The following MAP2K5 variants were observed in gnomAD, a reference collection of about 807,000 sequenced individuals.
MAP2K5 encodes dual specificity mitogen-activated protein kinase kinase 5.
A neutral mutation model predicts 83.1 loss-of-function variants in MAP2K5; 49 were observed. That is an observed-to-expected ratio of 0.59 (90% CI 0.47 to 0.75). The LOEUF is 0.75. Ranked by LOEUF, MAP2K5 falls within the 30% of genes least tolerant of loss-of-function variation. The pLI is 0.00. For synonymous variants in MAP2K5, 202 were observed against 191.8 expected (o/e 1.05, Z -0.44); for missense variants, 457 against 557.5 (o/e 0.82, Z 1.82).
chr15:67,617,271 C>T (rs1046863585), intron 8 of MAP2K5, among the ~76,000 whole-genome samples: 1 of 152,052 alleles, frequency 6.6e-6, no homozygotes, highest in African/African-American at 2.4e-5. Flanking sequence ...TATATCCTAC[C>T]TCACAATCAC....
In MAP2K5 at chr15:67,748,303, AT is replaced by A. The variant is rs1484218548; in HGVS notation, c.1101+47del. 13 of 1,492,834 alleles carry A rather than the reference AT, an allele frequency of 8.7e-6. No individual in the cohort carries two copies. The highest frequency in any genetic ancestry group is 9.3e-6 in the Non-Finnish European group (10 of 1,072,406). 92.5% of individuals were successfully genotyped at this position (1,492,834 alleles called of 1,614,324 possible). On this transcript the variant is annotated intron_variant, in intron 18 of 21. Transcript: ENST00000178640. This position sits in a 1 kb window ranked among gnomAD's most constrained non-coding sequence, Gnocchi z 4.0. ...AAAAAATTCACTTTTCTTTTTCCTGATGGCTGCTTCCTTTGCATGCTTGAAT... is the reference window on the plus strand; with the variant it reads ...AAAAAATTCACTTTTCTTTTTCCTGAGGCTGCTTCCTTTGCATGCTTGAAT...
chr15:67,766,609 A>G (rs567824636), intron 19 of MAP2K5, among the ~76,000 whole-genome samples: 2 of 152,280 alleles, frequency 1.3e-5, no homozygotes, highest in Admixed American at 1.3e-4. Flanking sequence ...GCGCAAATTT[A>G]CTGTATGCCT....
rs2084745888 is a variant in MAP2K5, at chr15:67,561,969, C to A, written c.185-1314C>A. Among the ~76,000 whole-genome samples, 1 of 152,204 alleles carries A rather than the reference C, an allele frequency of 6.6e-6. No homozygotes were observed. Among genetic ancestry groups the A allele is most frequent in the African/African-American group, 2.4e-5 (1 of 41,444 alleles). ...GCATCCCCTGACCATGTTGGGCAAG[C>A]TTATTCTCTTCATGATGAGAGATTT... On this transcript the variant is annotated intron_variant, in intron 2 of 21. Transcript: ENST00000178640. This position sits in a 1 kb window ranked among gnomAD's most constrained non-coding sequence, Gnocchi z 4.2.
At chr15:67,674,980 A>G (rs551787322) in intron 13 of MAP2K5, among the ~76,000 whole-genome samples, 2 of 152,334 alleles carry the variant, frequency 1.3e-5, no homozygotes, top group South Asian at 2.1e-4. Flanking sequence ...AAATTGGATC[A>G]CTAATACATT....
At chr15:67,721,740 T>C (rs779733231) in intron 16 of MAP2K5, among the ~76,000 whole-genome samples, 6 of 152,146 alleles carry the variant, frequency 3.9e-5, no homozygotes, top group Non-Finnish European at 8.8e-5. Context: ...TTTGTGAAAA[T>C]AAGCATAAAT....
At chr15:67,655,518 T>C (rs1322184495) in intron 11 of MAP2K5, among the ~76,000 whole-genome samples, 3 of 25,734 alleles carry the variant, frequency 1.2e-4, no homozygotes, top group Non-Finnish European at 2.5e-4. Flanking sequence ...ATAATCTTTT[T>C]CTTTCATGTT....
chr15:67,636,926 G>C lies in MAP2K5; in HGVS notation c.585+5999G>C, dbSNP rs1877473727. ...AATCTGGGTGGGCACCATCTAATCA[G>C]CTGCCAGTGTGGCTAGGATAAAAGC... On this transcript the variant is annotated intron_variant, in intron 9 of 21. Coordinates refer to ENST00000178640, the MANE Select transcript of MAP2K5 (RefSeq NM_145160.3). This position sits in a 1 kb window ranked among gnomAD's most constrained non-coding sequence, Gnocchi z 4.7. Among the ~76,000 whole-genome samples the C allele has an allele frequency of 6.6e-6, 1 of 152,204 alleles. No homozygotes were observed.
rs2088326049 is a variant in MAP2K5, at chr15:67,698,648, A to G, written c.973-4689A>G. ...TTAACTGAAGTTTTAAAATGAAAAA[A>G]TCTTACTCAAATACTTGGGATCAGA... On this transcript the variant is annotated intron_variant, in intron 15 of 21. Coordinates refer to ENST00000178640, the MANE Select transcript of MAP2K5 (RefSeq NM_145160.3). The surrounding 1 kb of genome is among the most constrained non-coding windows in gnomAD (Gnocchi z 4.5). Among the ~76,000 whole-genome samples the G allele has an allele frequency of 6.6e-6, 1 of 152,244 alleles. No homozygotes were observed. The highest frequency in any genetic ancestry group is 1.5e-5 in the Non-Finnish European group (1 of 68,044).
intron 13 of MAP2K5, among the ~76,000 whole-genome samples, chr15:67,684,707 A>G (rs1406881151): frequency 6.6e-6 from 1 of 152,242 alleles, no homozygotes; most frequent in Non-Finnish European, 1.5e-5. Flanking sequence ...TATAAAAACT[A>G]TATATGTCCA....
chr15:67,577,304 A>G lies in MAP2K5; in HGVS notation c.253-3450A>G, dbSNP rs1161094167. ...GGAAACTGATGTTTAATAAAGTTAA[A>G]TGTCTTCCTGAAGGCTACACAAGTT... On this transcript the variant is annotated intron_variant, in intron 3 of 21. Transcript: ENST00000178640. This position sits in a 1 kb window ranked among gnomAD's most constrained non-coding sequence, Gnocchi z 4.1. 1.3e-5 allele frequency among the ~76,000 whole-genome samples: 2 copies of G among 152,192 alleles called. No individual in the cohort carries two copies. The highest frequency in any genetic ancestry group is 4.8e-5 in the African/African-American group (2 of 41,442).
chr15:67,651,984 G>A (rs1009145022), intron 11 of MAP2K5, among the ~76,000 whole-genome samples: 2 of 152,142 alleles, frequency 1.3e-5, no homozygotes, highest in Admixed American at 1.3e-4. Context: ...CCCATCAATA[G>A]TGTATGAAGG....
rs2090399317 is a variant in MAP2K5, at chr15:67,785,408, T to C, written c.1242+12656T>C. ...CATTGCAGCATGGCTACTTGTATCA[T>C]TGCAGGCCAGCAGCAAGCAGTTCAC... On this transcript the variant is annotated intron_variant, in intron 21 of 21. Coordinates refer to ENST00000178640, the MANE Select transcript of MAP2K5 (RefSeq NM_145160.3). The surrounding 1 kb of genome is among the most constrained non-coding windows in gnomAD (Gnocchi z 4.4). Among the ~76,000 whole-genome samples, 1 of 152,216 alleles carries C rather than the reference T, an allele frequency of 6.6e-6. No individual in the cohort carries two copies. The highest frequency in any genetic ancestry group is 1.5e-5 in the Non-Finnish European group (1 of 68,032).
intron 8 of MAP2K5, among the ~76,000 whole-genome samples, chr15:67,612,962 T>C (rs1049553919): frequency 5.4e-5 from 8 of 146,830 alleles, no homozygotes; most frequent in African/African-American, 2.0e-4. Context: ...GAAGACTTTG[T>C]ACTGCAGTAT....
In MAP2K5 at chr15:67,790,648, T is replaced by G. The variant is rs1596979949; in HGVS notation, c.1243-15998T>G. 6.6e-6 allele frequency among the ~76,000 whole-genome samples: 1 copy of G among 151,744 alleles called. No individual in the cohort carries two copies. The highest frequency in any genetic ancestry group is 1.5e-5 in the Non-Finnish European group (1 of 67,976). ...AGAGGAGGGGCTGCTTACTGAGTGG[T>G]GAGGGTCTTTAAGATGTGGAGAGCA... is the stretch of plus-strand genomic sequence containing the variant. On this transcript the variant is annotated intron_variant, in intron 21 of 21. Coordinates refer to ENST00000178640, the MANE Select transcript of MAP2K5 (RefSeq NM_145160.3). This position sits in a 1 kb window ranked among gnomAD's most constrained non-coding sequence, Gnocchi z 4.6.
At chr15:67,732,709 A>G (rs1418229755) in intron 17 of MAP2K5, among the ~76,000 whole-genome samples, 2 of 149,904 alleles carry the variant, frequency 1.3e-5, no homozygotes, top group Admixed American at 6.7e-5. Flanking sequence ...AGTGATTTTC[A>G]TCTTGTTGTT....
At position 67,778,687 on chromosome 15, in the gene MAP2K5, T is replaced by G. The variant is rs1036673417; in HGVS notation, c.1242+5935T>G. ...GCGGTTAGCAGAAGGGTAGGGGGAT[T>G]TCTTACCTGTTACTGTTTACTAGAA... On this transcript the variant is annotated intron_variant, in intron 21 of 21. Coordinates refer to ENST00000178640, the MANE Select transcript of MAP2K5 (RefSeq NM_145160.3). This position sits in a 1 kb window ranked among gnomAD's most constrained non-coding sequence, Gnocchi z 5.0. Among the ~76,000 whole-genome samples the G allele has an allele frequency of 6.6e-6, 1 of 152,180 alleles. No homozygotes were observed. Among genetic ancestry groups the G allele is most frequent in the Non-Finnish European group, 1.5e-5 (1 of 68,028 alleles).
chr15:67,703,510 C>A, intron 16 of MAP2K5, 102 bp downstream of exon 16: 2 of 923,440 alleles, frequency 2.2e-6, no homozygotes, highest in Non-Finnish European at 3.4e-6. Context: ...AAACCTTCAG[C>A]ATGTTATATA....
At chr15:67,787,149 C>G (rs530115363) in intron 21 of MAP2K5, among the ~76,000 whole-genome samples, 1 of 152,346 alleles carries the variant, frequency 6.6e-6, no homozygotes, top group East Asian at 1.9e-4. Context: ...GGGCGGACAA[C>G]AGGACTGATT....
chr15:67,699,527 A>G (rs555189869), intron 15 of MAP2K5, among the ~76,000 whole-genome samples: 2 of 152,348 alleles, frequency 1.3e-5, no homozygotes, highest in East Asian at 3.9e-4. Flanking sequence ...TAGCCCTAGT[A>G]TAGATTTACA....
Sources: gnomAD v4.1 joint callset for allele counts (sites outside exome capture counted in the v4.1 genomes callset) on GRCh38, gnomAD v4.1.1 for gene constraint, Gnocchi (gnomAD v3.1) non-coding constraint, MANE v1.5 for transcripts, NCBI Gene and HGNC (gene_info 2026-07-23, HGNC 2026-07-21) for gene names.